MYOM2: variants seen among roughly 807,000 people sequenced by gnomAD.
MYOM2 encodes the protein myomesin 2.
A neutral mutation model predicts 187.6 loss-of-function variants in MYOM2; 254 were observed. The ratio of observed to expected loss-of-function variants is 1.35; its 90% CI spans 1.22 to 1.50. MYOM2 has a LOEUF of 1.50. MYOM2 is among the 40% of genes most tolerant of loss of function. The pLI is 0.00. For synonymous variants in MYOM2, 981 were observed against 753.8 expected, an observed-to-expected ratio of 1.30 and a Z score of -4.94; for missense variants, 2,796 against 1,924.0, an observed-to-expected ratio of 1.45 and a Z score of -8.48.
intron 18 of MYOM2, 91 bp from the exon 19 acceptor site, chr8:2,098,766 A>G (rs905461700): frequency 2.2e-6 from 3 of 1,350,088 alleles, no homozygotes; most frequent in Middle Eastern, 1.9e-4. Flanking sequence ...CTCATATTTT[A>G]TTTCACAAGC....
chr8:2,100,129 TTTCCTTCCTTCCTTCC>T lies in MYOM2; in HGVS notation c.2441-702_2441-687del, dbSNP rs71211554. On this transcript the variant is annotated intron_variant, in intron 19 of 36. Transcript: ENST00000262113. ...CCTTCTTTCTTTCCTTCCTTCCTTC[TTTCCTTCCTTCCTTCC>T]TTCCTTCCTTCCTTCCTTCCTTCCT... 4.6e-3 allele frequency among the ~76,000 whole-genome samples: 212 copies of T among 45,596 alleles called. 3 individuals are homozygous for T. The highest frequency in any genetic ancestry group is 0.015 in the African/African-American group (190 of 12,320). 29.9% of individuals were successfully genotyped at this position (45,596 alleles called of 152,430 possible).
At position 2,092,346 on chromosome 8, in the gene MYOM2, T is replaced by G. The variant is rs151197787; in HGVS notation, c.1829T>G (p.Val610Gly). 7.2e-4 allele frequency: 1,160 copies of G among 1,613,698 alleles called. 3 individuals are homozygous for G. Among genetic ancestry groups the G allele is most frequent in the South Asian group, 1.4e-3 (125 of 91,042 alleles). The change falls in exon 16 of 37, where the codon GTT becomes GGT. Residue 610 changes from valine to glycine, a missense_variant and splice_region_variant. Val to Gly is a moderately radical substitution (Grantham distance 109). Coordinates refer to ENST00000262113, the MANE Select transcript of MYOM2 (RefSeq NM_003970.4). ...CACTCCTTTTGTCTCCTACGAAAAG[T>G]TGTCCCTTCTGCTCCGGGTCGGGTT... ...TSPIQAQDVT[V>G]VPSAPGRVLA...
chr8:2,050,455 G>A (rs1332478947), intron 1 of MYOM2, among the ~76,000 whole-genome samples: 1 of 152,114 alleles, frequency 6.6e-6, no homozygotes, highest in Non-Finnish European at 1.5e-5. Context: ...TTTGAACTTT[G>A]CCCTGAACAC....
Position 2,106,473 on chromosome 8 carries a change from A to G in MYOM2, c.2892-18A>G. The G allele has an allele frequency of 6.2e-7, 1 of 1,609,826 alleles. No individual in the cohort carries two copies. Among genetic ancestry groups the G allele is most frequent in the Non-Finnish European group, 8.5e-7 (1 of 1,176,476 alleles). Reference sequence around the variant, plus strand: ...AAACAGAAATGATCGACATTCACCTACTCTTCTTCCTTTTTAGCTCCAAGC... The same window carrying G: ...AAACAGAAATGATCGACATTCACCTGCTCTTCTTCCTTTTTAGCTCCAAGC... On this transcript the variant is annotated intron_variant, in intron 22 of 36. Coordinates refer to ENST00000262113, the MANE Select transcript of MYOM2 (RefSeq NM_003970.4).
At chr8:2,141,538 T>C (rs1425513000) in intron 34 of MYOM2, among the ~76,000 whole-genome samples, 2 of 152,200 alleles carry the variant, frequency 1.3e-5, no homozygotes, top group Non-Finnish European at 2.9e-5. Context: ...CAGGAGCGCT[T>C]TCTTTTACAG....
In MYOM2 at chr8:2,049,361, T is replaced by C. The variant is rs140429578; in HGVS notation, c.-12-1394T>C. 5.3e-5 allele frequency among the ~76,000 whole-genome samples: 8 copies of C among 152,338 alleles called. No homozygotes were observed. The East Asian group carries it at 1.3e-3, about 26-fold the overall frequency. On this transcript the variant is annotated intron_variant, in intron 1 of 36. Coordinates refer to ENST00000262113, the MANE Select transcript of MYOM2 (RefSeq NM_003970.4). ...GTGTCCTGTTTTCTTCCCTGTAGAATAGGAGTTTGGGTAATCGCTAGTGAT... is the reference window on the plus strand; with the variant it reads ...GTGTCCTGTTTTCTTCCCTGTAGAACAGGAGTTTGGGTAATCGCTAGTGAT...
intron 25 of MYOM2, among the ~76,000 whole-genome samples, chr8:2,113,103 C>T (rs1797121373): frequency 6.6e-6 from 1 of 152,238 alleles, no homozygotes; most frequent in Admixed American, 6.5e-5. Flanking sequence ...GCAGCTGAGA[C>T]TACCGTATTG....
chr8:2,046,907 G>T (rs1333595308), intron 1 of MYOM2, among the ~76,000 whole-genome samples: 4 of 152,100 alleles, frequency 2.6e-5, no homozygotes, highest in African/African-American at 4.8e-5. Context: ...GTCATAAATA[G>T]TACAGGTTGA....
chr8:2,059,204 G>T lies in MYOM2; in HGVS notation c.612G>T (p.Arg204Ser), dbSNP rs1818771969. 2 of 1,614,104 alleles carry T rather than the reference G, an allele frequency of 1.2e-6. No individual in the cohort carries two copies. Among genetic ancestry groups the T allele is most frequent in the East Asian group, 2.2e-5 (1 of 44,906 alleles). ...ICQAAEPGKY[R>S]IESNYGVHTL... ...AGGCGGCTGAACCGGGAAAGTACAG[G>T]ATTGAGAGCAACTATGGCGTACACA... Residue 204 changes from arginine to serine, a missense_variant, in exon 6 of 37, where the codon AGG becomes AGT. Transcript: ENST00000262113.
chr8:2,129,062 T>C, intron 31 of MYOM2, 65 bp from the exon 32 acceptor site: 1 of 1,251,268 alleles, frequency 8.0e-7, no homozygotes, highest in South Asian at 1.2e-5. Context: ...GCCGCCGCGA[T>C]GCTTTCTGTG....
intron 18 of MYOM2, 142 bp from the exon 19 acceptor site, chr8:2,098,715 C>G (rs1219028003): frequency 1.1e-6 from 1 of 914,750 alleles, no homozygotes; most frequent in Admixed American, 2.9e-5. Context: ...CGAGGTCCTT[C>G]CTGAAATATT....
At chr8:2,102,206 A>C (rs1221387129) in intron 20 of MYOM2, 1 of 152,950 alleles carries the variant, frequency 6.5e-6, no homozygotes, top group Non-Finnish European at 1.5e-5. Context: ...ATCAACTAGA[A>C]GCTTAGTAAA....
intron 6 of MYOM2, among the ~76,000 whole-genome samples, chr8:2,067,253 G>A (rs1268160406): frequency 6.6e-6 from 1 of 152,196 alleles, no homozygotes; most frequent in East Asian, 1.9e-4. Flanking sequence ...TGTCTCTGGA[G>A]GCACTGGCTT....
intron 31 of MYOM2, among the ~76,000 whole-genome samples, chr8:2,125,694 A>G (rs1797612346): frequency 7.8e-6 from 1 of 128,472 alleles, no homozygotes; most frequent in African/African-American, 3.0e-5. Context: ...TGCAACCTCC[A>G]TCTCCTGGGT....
chr8:2,055,948 C>A (rs1029367285), intron 3 of MYOM2, among the ~76,000 whole-genome samples: 1 of 152,164 alleles, frequency 6.6e-6, no homozygotes, highest in South Asian at 2.1e-4. Flanking sequence ...TCCGGCTCGG[C>A]CACCTTTCCC....
intron 6 of MYOM2, among the ~76,000 whole-genome samples, chr8:2,062,633 G>A (rs1251365847): frequency 6.6e-6 from 1 of 152,106 alleles, no homozygotes; most frequent in Non-Finnish European, 1.5e-5. Flanking sequence ...TTCTCTCCTT[G>A]GATTTCCGAA....
chr8:2,066,047 G>T (rs531900622), intron 6 of MYOM2, among the ~76,000 whole-genome samples: 2 of 152,192 alleles, frequency 1.3e-5, no homozygotes, highest in African/African-American at 4.8e-5. Flanking sequence ...CCACACTCCC[G>T]CTCCTCGAGT....
intron 21 of MYOM2, among the ~76,000 whole-genome samples, chr8:2,105,142 G>GT (rs1389080222): frequency 4.6e-5 from 7 of 152,140 alleles, no homozygotes; most frequent in Admixed American, 3.3e-4. Flanking sequence ...TTCAATGTGA[G>GT]TTTTGAGGGG....
intron 6 of MYOM2, among the ~76,000 whole-genome samples, chr8:2,059,899 C>T (rs536945332): frequency 3.3e-5 from 5 of 152,192 alleles, no homozygotes; most frequent in Non-Finnish European, 5.9e-5. Flanking sequence ...TGGGCCATCA[C>T]GCCCAGCTAA....
Sources: allele counts gnomAD v4.1 joint callset (sites outside exome capture counted in the v4.1 genomes callset), GRCh38; gene constraint gnomAD v4.1.1; transcripts MANE v1.5; gene names NCBI Gene and HGNC (gene_info 2026-07-23, HGNC 2026-07-21).